The following ZFPM1 variants were observed in gnomAD, a reference collection of about 807,000 sequenced individuals.
The protein encoded by ZFPM1 is zinc finger protein ZFPM1.
ZFPM1 carries 28 observed loss-of-function variants against 46.3 expected under a neutral mutation model. That is an observed-to-expected ratio of 0.60 (90% CI 0.45 to 0.83). The LOEUF (loss-of-function observed/expected upper bound fraction) is 0.83. Ranked by LOEUF, ZFPM1 falls within the 40% of genes least tolerant of loss-of-function variation. The pLI, the probability that ZFPM1 is intolerant of heterozygous loss-of-function variation, is 0.00. For synonymous variants in ZFPM1, 957 were observed against 675.9 expected (o/e 1.42, Z -6.45); for missense variants, 1,878 against 1,432.4 (o/e 1.31, Z -5.02).
chr16:88,464,515 G>C (rs1908042080), intron 1 of ZFPM1, among the ~76,000 whole-genome samples: 1 of 152,252 alleles, frequency 6.6e-6, no homozygotes, highest in African/African-American at 2.4e-5. Context: ...GGGACCTTGA[G>C]GCAGTCAGCC....
chr16:88,505,484 C>G (rs1910597812), intron 3 of ZFPM1, among the ~76,000 whole-genome samples: 1 of 152,184 alleles, frequency 6.6e-6, no homozygotes, highest in African/African-American at 2.4e-5. Context: ...TTAATGAAAT[C>G]AAGACCTCTG....
intron 3 of ZFPM1, among the ~76,000 whole-genome samples, chr16:88,508,399 A>T (rs1014371131): frequency 6.6e-6 from 1 of 152,202 alleles, no homozygotes; most frequent in East Asian, 1.9e-4. Flanking sequence ...GGAGGATCAC[A>T]TGTGAAGGAG....
Position 88,534,845 on chromosome 16 carries a change from G to A in ZFPM1, c.2887G>A (p.Gly963Ser), listed in dbSNP as rs1345647018. Reference sequence around the variant, plus strand: ...CAAGGGCGTCCAGACTCCCAGCAAGGGCACGCCGGCGCCGCTGCCCAACGG... The same window carrying A: ...CAAGGGCGTCCAGACTCCCAGCAAGAGCACGCCGGCGCCGCTGCCCAACGG... ...SDKGVQTPSK[G>S]TPAPLPNGNH... The change falls in exon 10 of 10, where the codon GGC (glycine) becomes AGC (serine). Residue 963 changes from glycine to serine, a missense_variant. Physicochemically the swap from Gly to Ser is moderately conservative, Grantham distance 56 (BLOSUM62 0). Transcript: ENST00000319555. 1 of 1,558,512 alleles carries A rather than the reference G, an allele frequency of 6.4e-7. No homozygotes were observed. The highest frequency in any genetic ancestry group is 8.6e-7 in the Non-Finnish European group (1 of 1,159,676).
At chr16:88,461,558 G>A (rs113603277) in intron 1 of ZFPM1, among the ~76,000 whole-genome samples, 2,857 of 152,268 alleles carry the variant, frequency 0.019, 85 homozygotes, top group African/African-American at 0.066. Flanking sequence ...CTCCTTCCCG[G>A]CTGTTGTGTG....
intron 4 of ZFPM1, among the ~76,000 whole-genome samples, chr16:88,518,233 C>T (rs920879580): frequency 2.7e-5 from 4 of 147,150 alleles, no homozygotes; most frequent in African/African-American, 5.0e-5. Context: ...TGGGTGAATG[C>T]GTAGATAGGT....
intron 3 of ZFPM1, among the ~76,000 whole-genome samples, chr16:88,510,533 C>A (rs76791888): frequency 2.0e-5 from 3 of 152,244 alleles, no homozygotes; most frequent in African/African-American, 7.2e-5. Context: ...CCCAGCACAG[C>A]GTGTTTGTTC....
Position 88,533,190 on chromosome 16 carries a change from G to GC in ZFPM1, c.1237dup (p.Leu413ProfsTer259). The GC allele has an allele frequency of 6.5e-7, 1 of 1,533,602 alleles. No individual in the cohort carries two copies. The highest frequency in any genetic ancestry group is 8.7e-7 in the Non-Finnish European group (1 of 1,150,086). The allele number at this position is 1,533,602 out of a possible 1,614,324, so 95.0% of individuals were successfully genotyped here. ...CAGCAGCAGCACACGGCCCTGCAAG[G>GC]CCCCCTGGCCTCCGCGGACCTGGGC... is the stretch of plus-strand genomic sequence containing the variant. On this transcript the variant is annotated frameshift_variant, in exon 10 of 10. Coordinates refer to ENST00000319555, the MANE Select transcript of ZFPM1 (RefSeq NM_153813.3). LOFTEE classifies it low-confidence loss of function (END_TRUNC).
chr16:88,483,908 G>C (rs1307855323), intron 1 of ZFPM1, among the ~76,000 whole-genome samples: 1 of 152,160 alleles, frequency 6.6e-6, no homozygotes, highest in South Asian at 2.1e-4. Flanking sequence ...GTCAGCCTTG[G>C]ACATCAGCCT....
intron 3 of ZFPM1, among the ~76,000 whole-genome samples, chr16:88,500,865 G>A (rs955285729): frequency 2.6e-5 from 4 of 152,256 alleles, no homozygotes; most frequent in African/African-American, 9.6e-5. Flanking sequence ...GCCAGGTCCT[G>A]GGCACAGTGC....
rs145557400 is a variant in ZFPM1, at chr16:88,483,306, C to T, written c.41-2633C>T. ...CTGTCCAGGACCCCCCATGGCTCCC[C>T]GGTGGCCCCAGGATGAGGGTCCCCT... is the stretch of plus-strand genomic sequence containing the variant. On this transcript the variant is annotated intron_variant, in intron 1 of 9. Transcript: ENST00000319555. Among the ~76,000 whole-genome samples the T allele has an allele frequency of 6.0e-3, 904 of 151,036 alleles. 6 individuals carry two copies. Among genetic ancestry groups the T allele is most frequent in the African/African-American group, 0.021 (858 of 40,468 alleles).
chr16:88,480,530 C>T lies in ZFPM1; in HGVS notation c.41-5409C>T, dbSNP rs143047899. Among the ~76,000 whole-genome samples the T allele has an allele frequency of 3.8e-3, 586 of 152,302 alleles. 5 individuals carry two copies. The highest frequency in any genetic ancestry group is 0.013 in the African/African-American group (550 of 41,562). ...TGCTCACATGGGGCCTGGGCAGGCA[C>T]CTGCACCTCCACTTCCTCCCCTCTA... On this transcript the variant is annotated intron_variant, in intron 1 of 9. Coordinates refer to ENST00000319555, the MANE Select transcript of ZFPM1 (RefSeq NM_153813.3). The surrounding 1 kb of genome is among the most constrained non-coding windows in gnomAD (Gnocchi z 4.9).
rs775248764 is a variant in ZFPM1, at chr16:88,534,120, C to G, written c.2162C>G (p.Pro721Arg). The change falls in exon 10 of 10, where the codon CCG becomes CGG. Residue 721 changes from proline to arginine, a missense_variant. Physicochemically the swap from Pro to Arg is moderately radical, Grantham distance 103. Coordinates refer to ENST00000319555, the MANE Select transcript of ZFPM1 (RefSeq NM_153813.3). ...CCGCCGCGCCGACCGGCCGCGCCCCCGGGACCCCCTGGGCCGGCCGCGCCC... is the reference window on the plus strand; with the variant it reads ...CCGCCGCGCCGACCGGCCGCGCCCCGGGGACCCCCTGGGCCGGCCGCGCCC... The part of the protein sequence containing the change: ...DPPPRRPAAP[P>R]GPPGPAAPPA... 15 of 1,114,602 alleles carry G rather than the reference C, an allele frequency of 1.3e-5. No individual in the cohort carries two copies. The South Asian group carries it at 2.2e-4, about 16-fold the overall frequency. 69.0% of individuals were successfully genotyped at this position (1,114,602 alleles called of 1,614,324 possible).
At position 88,497,894 on chromosome 16, in the gene ZFPM1, G is replaced by A. The variant is rs1326315530; in HGVS notation, c.268+8741G>A. Among the ~76,000 whole-genome samples the A allele has an allele frequency of 1.3e-5, 2 of 152,190 alleles. No homozygotes were observed. The highest frequency in any genetic ancestry group is 4.8e-5 in the African/African-American group (2 of 41,456). On this transcript the variant is annotated intron_variant, in intron 3 of 9. Coordinates refer to ENST00000319555, the MANE Select transcript of ZFPM1 (RefSeq NM_153813.3). The surrounding 1 kb of genome is among the most constrained non-coding windows in gnomAD (Gnocchi z 5.4). ...AGCGTCTACGCAAACCTCAAGGCCT[G>A]CTATCGGGTGGAGGCTGAGGCGGGG...
In ZFPM1 at chr16:88,536,525, G is replaced by C. The variant is rs1189830137; in HGVS notation, c.*1546G>C. ...GCATTTTTTTCAGCTTTGCCCAGCAGCCCTGGTGAGTGCAGGCAAAGAAGG... is the reference window on the plus strand; with the variant it reads ...GCATTTTTTTCAGCTTTGCCCAGCACCCCTGGTGAGTGCAGGCAAAGAAGG... On this transcript the variant is annotated 3_prime_UTR_variant, in exon 10 of 10. Transcript: ENST00000319555. The C allele has an allele frequency of 1.3e-5, 2 of 152,212 alleles. No individual in the cohort carries two copies. The highest frequency in any genetic ancestry group is 6.5e-5 in the Admixed American group (1 of 15,288). 9.4% of individuals were successfully genotyped at this position (152,212 alleles called of 1,614,324 possible).
intron 3 of ZFPM1, among the ~76,000 whole-genome samples, chr16:88,501,626 T>TCATGGATGCG (rs1910333320): frequency 1.2e-5 from 1 of 80,692 alleles, no homozygotes; most frequent in Non-Finnish European, 2.3e-5. Flanking sequence ...ATGGAGATAG[T>TCATGGATGCG]GGGCCTGGGT....
intron 3 of ZFPM1, among the ~76,000 whole-genome samples, chr16:88,508,909 T>C (rs1434815506): frequency 2.0e-5 from 3 of 152,192 alleles, no homozygotes; most frequent in Non-Finnish European, 4.4e-5. Flanking sequence ...GGGGTTTGCC[T>C]GCGTGGGAAC....
intron 3 of ZFPM1, 85 bp downstream of exon 3, chr16:88,489,238 G>T: frequency 6.7e-7 from 1 of 1,487,912 alleles, no homozygotes; most frequent in Non-Finnish European, 8.9e-7. Flanking sequence ...GTGGGTGCTG[G>T]GGCAGGTGTG....
At chr16:88,520,563 T>TCGAC (rs1911765529) in intron 4 of ZFPM1, among the ~76,000 whole-genome samples, 1 of 117,120 alleles carries the variant, frequency 8.5e-6, no homozygotes, top group Non-Finnish European at 1.8e-5. Context: ...GATGGATGGA[T>TCGAC]GGATGGATGG....
At chr16:88,515,294 G>A (rs535623461) in intron 4 of ZFPM1, among the ~76,000 whole-genome samples, 3 of 152,200 alleles carry the variant, frequency 2.0e-5, no homozygotes, top group East Asian at 1.9e-4. Context: ...GTCCCAGGCC[G>A]CTCAGGGAGT....
Sources: gnomAD v4.1 joint callset for allele counts (sites outside exome capture counted in the v4.1 genomes callset) on GRCh38, gnomAD v4.1.1 for gene constraint, Gnocchi (gnomAD v3.1) non-coding constraint, MANE v1.5 for transcripts, NCBI Gene and HGNC (gene_info 2026-07-23, HGNC 2026-07-21) for gene names.